Variants in TACC2 observed in about 807,000 individuals in gnomAD.
TACC2 encodes transforming acidic coiled-coil containing protein 2.
TACC2 carries 137 observed loss-of-function variants against 227.3 expected under a neutral mutation model. The ratio of observed to expected loss-of-function variants is 0.60; its 90% CI spans 0.52 to 0.69. TACC2 has a LOEUF of 0.69. Ranked by LOEUF, TACC2 falls within the 30% of genes least tolerant of loss-of-function variation. The probability of loss-of-function intolerance (pLI) is 0.00; values close to 1 mark genes in which losing one functional copy is unlikely to be tolerated. For missense variants in TACC2, 3,470 were observed against 3,694.4 expected, an observed-to-expected ratio of 0.94 and a Z score of 1.57; for synonymous variants, 1,523 against 1,487.5, an observed-to-expected ratio of 1.02 and a Z score of -0.55.
At chr10:122,069,873 C>G (rs7097437) in intron 3 of TACC2, among the ~76,000 whole-genome samples, 2 of 152,184 alleles carry the variant, frequency 1.3e-5, no homozygotes, top group Non-Finnish European at 2.9e-5. Context: ...GCAGTCTCCC[C>G]TCTGTCTTGC....
At chr10:122,156,053 G>A (rs2092450536) in intron 7 of TACC2, among the ~76,000 whole-genome samples, 2 of 151,434 alleles carry the variant, frequency 1.3e-5, no homozygotes, top group African/African-American at 4.9e-5. Flanking sequence ...TAGCCAGGAT[G>A]GTCTTGATCT....
At chr10:122,173,534 G>A (rs2093575852) in intron 7 of TACC2, among the ~76,000 whole-genome samples, 2 of 152,232 alleles carry the variant, frequency 1.3e-5, no homozygotes, top group Admixed American at 6.5e-5. Context: ...GCATCTTTAC[G>A]TGCCAGGGCA....
intron 13 of TACC2, 116 bp downstream of exon 13, chr10:122,226,597 G>T: frequency 2.8e-6 from 2 of 703,570 alleles, no homozygotes; most frequent in Non-Finnish European, 2.3e-6. Flanking sequence ...CGGCTGACAT[G>T]CCACATATTT....
chr10:122,123,816 T>C (rs1592280300), intron 5 of TACC2, among the ~76,000 whole-genome samples: 1 of 149,590 alleles, frequency 6.7e-6, no homozygotes, highest in South Asian at 2.2e-4. Context: ...GTCATTTTTT[T>C]TTTTTTTTTT....
chr10:122,224,572 T>C (rs1422841819), intron 11 of TACC2, among the ~76,000 whole-genome samples, 154 bp from the exon 12 acceptor site: 2 of 152,188 alleles, frequency 1.3e-5, no homozygotes, highest in African/African-American at 2.4e-5. Flanking sequence ...TTCTTCAGGC[T>C]ATATGAGAAG....
chr10:121,991,562 A>G (rs1459305351), intron 1 of TACC2, among the ~76,000 whole-genome samples: 1 of 152,228 alleles, frequency 6.6e-6, no homozygotes, highest in African/African-American at 2.4e-5. Flanking sequence ...TTGGTCAAGA[A>G]TCATTTCAAA....
At chr10:122,036,648 G>A (rs1427894254) in intron 2 of TACC2, among the ~76,000 whole-genome samples, 1 of 151,990 alleles carries the variant, frequency 6.6e-6, no homozygotes, top group African/African-American at 2.4e-5. Flanking sequence ...TTACAGGCGT[G>A]CACCATCACA....
At chr10:122,097,053 C>T (rs1054898711) in intron 5 of TACC2, among the ~76,000 whole-genome samples, 4 of 151,946 alleles carry the variant, frequency 2.6e-5, no homozygotes, top group South Asian at 2.1e-4. Context: ...TTGCTGGGCA[C>T]GGTGGCTCAT....
chr10:122,185,132 C>A (rs1356082843), intron 7 of TACC2, among the ~76,000 whole-genome samples: 1 of 150,828 alleles, frequency 6.6e-6, no homozygotes, highest in Non-Finnish European at 1.5e-5. Flanking sequence ...TCCCAAAGTG[C>A]CGGGATTACA....
chr10:122,068,671 C>CA (rs111597913), intron 3 of TACC2, among the ~76,000 whole-genome samples: 1 of 146,762 alleles, frequency 6.8e-6, no homozygotes, highest in Non-Finnish European at 1.5e-5. Context: ...CCTCCGAAAC[C>CA]TTTTTTTTTT....
In TACC2 at chr10:122,087,153, G is replaced by A. The variant is rs1349352760; in HGVS notation, c.4653G>A (p.Arg1551=). 3 of 1,611,408 alleles carry A rather than the reference G, an allele frequency of 1.9e-6. No individual in the cohort carries two copies. Among genetic ancestry groups the A allele is most frequent in the Non-Finnish European group, 2.5e-6 (3 of 1,179,200 alleles). The change falls in exon 4 of 23, where the codon AGG becomes AGA. Residue 1551 remains arginine, a synonymous_variant. Transcript: ENST00000369005. ...GCCAGGCTTACTCACAGCTGGAGAG[G>A]AGCAGGCAGGAATTAGCTTCAGGTC... is the stretch of plus-strand genomic sequence containing the variant. The part of the protein sequence containing the change: ...LEGQAYSQLE[R]SRQELASGLP...
rs549003330 is a variant in TACC2 at position 122,240,470 on chromosome 10, G to A, written c.8349-1488G>A. Among the ~76,000 whole-genome samples, 4 of 152,316 alleles carry A rather than the reference G, an allele frequency of 2.6e-5. 1 individual carries two copies. The South Asian group carries it at 8.3e-4, about 32-fold the overall frequency. ...GGGCAGGCACCCAGCATTAGACTTTGCAGAATGCATTCTACCTTCATTATC... is the reference window on the plus strand; with the variant it reads ...GGGCAGGCACCCAGCATTAGACTTTACAGAATGCATTCTACCTTCATTATC... On this transcript the variant is annotated intron_variant, in intron 18 of 22. Transcript: ENST00000369005.
intron 2 of TACC2, among the ~76,000 whole-genome samples, chr10:122,032,140 A>C (rs183362912): frequency 2.6e-4 from 40 of 152,324 alleles, no homozygotes; most frequent in African/African-American, 9.4e-4. Flanking sequence ...CCGCCTCAAC[A>C]GGGCCAAGAT....
chr10:122,230,659 C>A (rs958464453), intron 16 of TACC2, among the ~76,000 whole-genome samples: 2 of 152,174 alleles, frequency 1.3e-5, no homozygotes, highest in Admixed American at 1.3e-4. Context: ...GATAGTAATG[C>A]TGGTTAAATG....
chr10:122,059,644 C>T (rs4598607), intron 3 of TACC2, among the ~76,000 whole-genome samples: 3,399 of 152,190 alleles, frequency 0.022, 124 homozygotes, highest in African/African-American at 0.078. Context: ...GCTGGCAGCA[C>T]GCACCATGGG....
intron 5 of TACC2, among the ~76,000 whole-genome samples, chr10:122,115,165 A>G (rs961100644): frequency 6.6e-6 from 1 of 152,200 alleles, no homozygotes; most frequent in Non-Finnish European, 1.5e-5. Context: ...GAGGAAGGAT[A>G]TGTCTGGTTC....
intron 18 of TACC2, among the ~76,000 whole-genome samples, chr10:122,240,775 C>G (rs994866249): frequency 6.6e-6 from 1 of 152,172 alleles, no homozygotes; most frequent in Non-Finnish European, 1.5e-5. Flanking sequence ...ACCCCTGATT[C>G]TTTTTGAGAA....
chr10:122,146,179 C>T (rs1428398820), intron 7 of TACC2, among the ~76,000 whole-genome samples: 1 of 151,880 alleles, frequency 6.6e-6, no homozygotes, highest in Non-Finnish European at 1.5e-5. Flanking sequence ...AGAGCTTAGG[C>T]TGAGTGGGTT....
At chr10:121,993,382 A>G (rs1188621790) in intron 1 of TACC2, among the ~76,000 whole-genome samples, 1 of 152,214 alleles carries the variant, frequency 6.6e-6, no homozygotes, top group Non-Finnish European at 1.5e-5. Context: ...CTGAAAAATT[A>G]TACATTCACA....
Sources: gnomAD v4.1 joint callset for allele counts (sites outside exome capture counted in the v4.1 genomes callset) on GRCh38, gnomAD v4.1.1 for gene constraint, MANE v1.5 for transcripts, NCBI Gene and HGNC (gene_info 2026-07-23, HGNC 2026-07-21) for gene names.